Variants in TEF observed in about 807,000 individuals in gnomAD.
The protein encoded by TEF is TEF transcription factor, PAR bZIP family member.
TEF carries 3 observed loss-of-function variants against 20.8 expected under a neutral mutation model. The observed-to-expected ratio is 0.14, with a 90% CI of 0.07 to 0.37. The LOEUF (loss-of-function observed/expected upper bound fraction) is 0.37, where lower values mean the gene tolerates loss of function less well. Among genes scored for constraint, TEF ranks in the 10% least tolerant of loss-of-function variants. The probability of loss-of-function intolerance (pLI) is 1.00; values close to 1 mark genes in which losing one functional copy is unlikely to be tolerated. For missense variants in TEF, 296 were observed against 397.9 expected (o/e 0.74, Z 2.18); for synonymous variants, 180 against 171.1 (o/e 1.05, Z -0.41).
chr22:41,382,716 G>T (rs1432791032), intron 1 of TEF, among the ~76,000 whole-genome samples: 1 of 152,028 alleles, frequency 6.6e-6, no homozygotes, highest in Non-Finnish European at 1.5e-5. Context: ...TCCTCCCTGG[G>T]TGTGAGTAGC....
At chr22:41,389,380 G>A (rs2037138438) in intron 2 of TEF, among the ~76,000 whole-genome samples, 2 of 151,146 alleles carry the variant, frequency 1.3e-5, no homozygotes, top group South Asian at 2.1e-4. Flanking sequence ...CAGCCTGGGC[G>A]ACAGAGCAAG....
Position 41,387,632 on chromosome 22 carries a change from G to A in TEF, c.439G>A (p.Ala147Thr). 1 of 1,614,008 alleles carries A rather than the reference G, an allele frequency of 6.2e-7. No homozygotes were observed. Among genetic ancestry groups the A allele is most frequent in the Non-Finnish European group, 8.5e-7 (1 of 1,179,966 alleles). ...STASPPSSST[A>T]IFQPSETVSS... is the part of the protein sequence containing the mutation. ...AGCATCCCCACCATCCTCCTCCACT[G>A]CCATCTTTCAGCCCTCTGAAACCGT... Residue 147 changes from alanine (A) to threonine (T), a missense_variant, in exon 2 of 4, where the codon GCC (alanine) becomes ACC (threonine). Coordinates refer to ENST00000266304, the MANE Select transcript of TEF (RefSeq NM_003216.4).
At chr22:41,382,488 C>T (rs2037045884) in intron 1 of TEF, among the ~76,000 whole-genome samples, 1 of 152,042 alleles carries the variant, frequency 6.6e-6, no homozygotes, top group African/African-American at 2.4e-5. Context: ...GCCCCTCCCC[C>T]GGGGCCACCT....
chr22:41,396,104 G>A lies in TEF; in HGVS notation c.*144G>A. The A allele has an allele frequency of 1.2e-6, 1 of 860,346 alleles. No individual in the cohort carries two copies. The highest frequency in any genetic ancestry group is 1.8e-6 in the Non-Finnish European group (1 of 565,312). The allele number at this position is 860,346 out of a possible 1,614,324, so 53.3% of individuals were successfully genotyped here. ...CTGCTGCAGGAGCGGCCACGTCTCAGCTTCATTATACCATGGCCTGCGCAC... is the reference window on the plus strand; with the variant it reads ...CTGCTGCAGGAGCGGCCACGTCTCAACTTCATTATACCATGGCCTGCGCAC... On this transcript the variant is annotated 3_prime_UTR_variant, in exon 4 of 4. Coordinates refer to ENST00000266304, the MANE Select transcript of TEF (RefSeq NM_003216.4).
intron 1 of TEF, 54 bp from the exon 2 acceptor site, chr22:41,387,297 T>A: frequency 6.3e-7 from 1 of 1,591,070 alleles, no homozygotes; most frequent in Non-Finnish European, 8.6e-7. Flanking sequence ...GCCCACTTCC[T>A]GGGATTGAGT....
At chr22:41,393,697 C>T (rs950249251) in intron 2 of TEF, among the ~76,000 whole-genome samples, 49 of 148,740 alleles carry the variant, frequency 3.3e-4, no homozygotes, top group Non-Finnish European at 6.1e-4. Flanking sequence ...GGCATGAACC[C>T]GGGAGGCGGA....
rs767835243 is a variant in TEF at position 41,387,680 on chromosome 22, G to T, written c.475+12G>T. ...CGTGTCCAGCACAGGTTGGTGAAAG[G>T]CCATCGAGGAGGGCCACCTGTCCCA... On this transcript the variant is annotated intron_variant, in intron 2 of 3. Transcript: ENST00000266304. 7.5e-6 allele frequency: 12 copies of T among 1,602,612 alleles called. No homozygotes were observed. Among genetic ancestry groups the T allele is most frequent in the Non-Finnish European group, 9.4e-6 (11 of 1,173,360 alleles).
intron 1 of TEF, chr22:41,382,994 G>T (rs2037054484): frequency 2.1e-6 from 1 of 471,030 alleles, no homozygotes. Context: ...AGCAGGTCTG[G>T]CCTTGTTTTT....
chr22:41,393,705 G>A (rs544657992), intron 2 of TEF, among the ~76,000 whole-genome samples: 362 of 151,202 alleles, frequency 2.4e-3, no homozygotes, highest in Non-Finnish European at 4.0e-3. Flanking sequence ...CCCGGGAGGC[G>A]GAGCTTGCAA....
chr22:41,375,844 T>A (rs1434693896), intron 1 of TEF, among the ~76,000 whole-genome samples: 1 of 152,020 alleles, frequency 6.6e-6, no homozygotes, highest in Non-Finnish European at 1.5e-5. Context: ...AGGGTGGGGA[T>A]TTTTTCAAAA....
intron 1 of TEF, among the ~76,000 whole-genome samples, chr22:41,383,309 G>C (rs150531494): frequency 6.6e-6 from 1 of 152,066 alleles, no homozygotes; most frequent in Non-Finnish European, 1.5e-5. Flanking sequence ...CCTGCTTTGG[G>C]ACCTCATGTG....
intron 1 of TEF, among the ~76,000 whole-genome samples, chr22:41,370,585 G>T (rs894461741): frequency 6.6e-6 from 1 of 151,414 alleles, no homozygotes; most frequent in African/African-American, 2.4e-5. Context: ...GCTAATTTTT[G>T]TATTTTTAGT....
rs182063822 is a variant in TEF at position 41,398,128 on chromosome 22, T to G, written c.*2168T>G. The G allele has an allele frequency of 6.6e-6, 1 of 152,228 alleles. No homozygotes were observed. Among genetic ancestry groups the G allele is most frequent in the East Asian group, 1.9e-4 (1 of 5,182 alleles). 9.4% of individuals were successfully genotyped at this position (152,228 alleles called of 1,614,324 possible). Reference sequence around the variant, plus strand: ...CTGGACTCTTTTCGAAATGCCCCTCTGAGTCAGGAGCCTGGTGGGGACAAG... The same window carrying G: ...CTGGACTCTTTTCGAAATGCCCCTCGGAGTCAGGAGCCTGGTGGGGACAAG... On this transcript the variant is annotated 3_prime_UTR_variant, in exon 4 of 4. Transcript: ENST00000266304.
chr22:41,374,428 T>G (rs1238301754), intron 1 of TEF, among the ~76,000 whole-genome samples: 1 of 151,932 alleles, frequency 6.6e-6, no homozygotes, highest in Non-Finnish European at 1.5e-5. Context: ...GGCGGGCACC[T>G]GTAGTCCCAG....
At chr22:41,388,028 C>T (rs1250674502) in intron 2 of TEF, among the ~76,000 whole-genome samples, 7 of 108,774 alleles carry the variant, frequency 6.4e-5, no homozygotes, top group South Asian at 3.3e-4. Context: ...GAAGGAGTCT[C>T]GCTCTGTTGC....
chr22:41,371,701 C>T (rs2036884923), intron 1 of TEF, among the ~76,000 whole-genome samples: 1 of 152,220 alleles, frequency 6.6e-6, no homozygotes. Context: ...GACCCTCATT[C>T]CCTTCTTTCC....
chr22:41,395,653 G>C, intron 3 of TEF, 92 bp from the exon 4 acceptor site: 3 of 1,312,882 alleles, frequency 2.3e-6, no homozygotes, highest in East Asian at 2.5e-5. Context: ...GGCCACACCA[G>C]ATGAGTTAGG....
At position 41,387,800 on chromosome 22, in the gene TEF, G is replaced by T. The variant is rs1044692796; in HGVS notation, c.475+132G>T. The T allele has an allele frequency of 3.2e-6, 3 of 925,894 alleles. No individual in the cohort carries two copies. The Admixed American group carries it at 7.9e-5, about 24-fold the overall frequency. The allele number at this position is 925,894 out of a possible 1,614,324, so 57.4% of individuals were successfully genotyped here. On this transcript the variant is annotated intron_variant, in intron 2 of 3. Coordinates refer to ENST00000266304, the MANE Select transcript of TEF (RefSeq NM_003216.4). ...GAGGTCCTGGTGGGGCTGCAGTGTG[G>T]AGAAACTCTTCACTCCCCACCCTTC...
upstream of TEF, among the ~76,000 whole-genome samples, chr22:41,378,346 T>C (rs1254970030): frequency 2.3e-5 from 2 of 85,834 alleles, no homozygotes; most frequent in Non-Finnish European, 2.5e-5. Context: ...CTTTTGCCTT[T>C]TTTTTTTTTT....
Sources: gnomAD v4.1 joint callset for allele counts (sites outside exome capture counted in the v4.1 genomes callset) on GRCh38, gnomAD v4.1.1 for gene constraint, MANE v1.5 for transcripts, NCBI Gene and HGNC (gene_info 2026-07-23, HGNC 2026-07-21) for gene names.